Variants in CDC20B observed in about 807,000 individuals in gnomAD.
The protein encoded by CDC20B is cell division cycle protein 20 homolog B.
Under a neutral mutation model 64.1 loss-of-function variants are expected in CDC20B, and 58 were observed. The ratio of observed to expected loss-of-function variants is 0.90; its 90% confidence interval spans 0.73 to 1.13. CDC20B has a LOEUF of 1.13. CDC20B is among the 50% of genes most tolerant of loss of function. The pLI is 0.00. For missense variants in CDC20B, 597 were observed against 633.0 expected (o/e 0.94, Z 0.61); for synonymous variants, 243 against 230.6 (o/e 1.05, Z -0.49).
At chr5:55,136,284 G>A (rs936712881) in intron 5 of CDC20B, among the ~76,000 whole-genome samples, 1 of 151,778 alleles carries the variant, frequency 6.6e-6, no homozygotes, top group African/African-American at 2.4e-5. Flanking sequence ...GACACGGCAG[G>A]TGCAGTGGTT....
intron 5 of CDC20B, among the ~76,000 whole-genome samples, chr5:55,134,799 A>C (rs1743120178): frequency 6.6e-6 from 1 of 152,198 alleles, no homozygotes; most frequent in African/African-American, 2.4e-5. Context: ...AAAGAAGACA[A>C]TCTGAAAAAA....
Position 55,124,906 on chromosome 5 carries a change from G to A in CDC20B, c.1112C>T (p.Ser371Phe), listed in dbSNP as rs771944297. The change falls in exon 9 of 12, where the codon TCC becomes TTC. Residue 371 changes from serine to phenylalanine, a missense_variant. Ser to Phe is a radical substitution (Grantham distance 155). Transcript: ENST00000381375. ...CAGCAGTCCATCACTGCAGCCGCTG[G>A]AAAGCAGCCTGCCATCCGGTGACCA... ...LKWSPDGRLL[S>F]SGCSDGLLTI... The A allele has an allele frequency of 3.7e-6, 6 of 1,614,066 alleles. No individual in the cohort carries two copies. The African/African-American group carries it at 5.3e-5, about 14-fold the overall frequency.
chr5:55,172,893 C>T, intron 1 of CDC20B, 45 bp downstream of exon 1: 1 of 1,533,244 alleles, frequency 6.5e-7, no homozygotes, highest in Non-Finnish European at 8.8e-7. Flanking sequence ...GCCTTCGGCC[C>T]CGCATTAGAG....
At chr5:55,130,128 C>G (rs553467341) in intron 6 of CDC20B, among the ~76,000 whole-genome samples, 1 of 152,002 alleles carries the variant, frequency 6.6e-6, no homozygotes, top group East Asian at 1.9e-4. Flanking sequence ...ACAGAAAAAT[C>G]AAAAGTATTT....
At chr5:55,148,357 G>A (rs545176119) in intron 2 of CDC20B, among the ~76,000 whole-genome samples, 13 of 152,280 alleles carry the variant, frequency 8.5e-5, no homozygotes, top group African/African-American at 2.4e-4. Context: ...GACAATGTGC[G>A]TCAAAAGCCT....
intron 2 of CDC20B, among the ~76,000 whole-genome samples, chr5:55,169,039 G>A (rs1381953161): frequency 6.6e-6 from 1 of 152,032 alleles, no homozygotes; most frequent in Admixed American, 6.5e-5. Context: ...AAAAGCCAAA[G>A]CTTCTAAATT....
chr5:55,115,906 C>A (rs1309655915), intron 11 of CDC20B, among the ~76,000 whole-genome samples: 1 of 152,014 alleles, frequency 6.6e-6, no homozygotes, highest in African/African-American at 2.4e-5. Flanking sequence ...ACACACACAC[C>A]ACACACACAC....
At chr5:55,137,200 A>C (rs1032245280) in intron 5 of CDC20B, 1 of 160,736 alleles carries the variant, frequency 6.2e-6, no homozygotes, top group Non-Finnish European at 1.4e-5. Flanking sequence ...AAAAAGAAAG[A>C]AAGCACTGAG....
chr5:55,119,135 T>C (rs1742694291), intron 11 of CDC20B, among the ~76,000 whole-genome samples: 2 of 152,340 alleles, frequency 1.3e-5, no homozygotes, highest in South Asian at 2.1e-4. Context: ...ATCAGAGTTC[T>C]ACAAGAGATT....
chr5:55,157,976 G>A (rs1305375855), intron 2 of CDC20B, among the ~76,000 whole-genome samples: 1 of 152,126 alleles, frequency 6.6e-6, no homozygotes, highest in Admixed American at 6.5e-5. Flanking sequence ...TACAGCCTGA[G>A]GAGTTAAAAT....
In CDC20B at chr5:55,146,696, G is replaced by T. The variant is rs761430349; in HGVS notation, c.287C>A (p.Thr96Asn). Residue 96 changes from threonine (T) to asparagine (N), a missense_variant, in exon 3 of 12, where the codon ACC (threonine) becomes AAC (asparagine). Physicochemically the swap from Thr to Asn is moderately conservative, Grantham distance 65 (BLOSUM62 0). This residue lies in a region of CDC20B where 241 missense variants were observed against 219.2 expected (regional missense o/e 1.10). Transcript: ENST00000381375. ...SSDSFGEEQS[T>N]TYLPEASGSV... ...TCCGGAAGCTTCTGGGAGGTAGGTGGTTGACTGCTCTTCCCCAAAGGAATC... is the reference window on the plus strand; with the variant it reads ...TCCGGAAGCTTCTGGGAGGTAGGTGTTTGACTGCTCTTCCCCAAAGGAATC... The T allele has an allele frequency of 6.2e-7, 1 of 1,614,178 alleles. No homozygotes were observed. Among genetic ancestry groups the T allele is most frequent in the South Asian group, 1.1e-5 (1 of 91,082 alleles).
At chr5:55,172,539 G>A (rs779837009) in intron 2 of CDC20B, 49 bp downstream of exon 2, 12 of 1,400,192 alleles carry the variant, frequency 8.6e-6, no homozygotes, top group Non-Finnish European at 1.1e-5. Flanking sequence ...GAATTCGTTT[G>A]TTCAAGATCA....
At chr5:55,122,029 C>T (rs1263087824) in intron 9 of CDC20B, among the ~76,000 whole-genome samples, 1 of 152,188 alleles carries the variant, frequency 6.6e-6, no homozygotes, top group Non-Finnish European at 1.5e-5. Context: ...ATACTTACTC[C>T]TACCCATAGC....
chr5:55,115,313 GC>G (rs1330254085), intron 11 of CDC20B, among the ~76,000 whole-genome samples: 2 of 152,188 alleles, frequency 1.3e-5, no homozygotes, highest in Non-Finnish European at 2.9e-5. Flanking sequence ...TAATTTGGAA[GC>G]TTTGAGTTAA....
At chr5:55,129,157 C>T (rs1742967409) in intron 6 of CDC20B, among the ~76,000 whole-genome samples, 1 of 152,142 alleles carries the variant, frequency 6.6e-6, no homozygotes, top group Non-Finnish European at 1.5e-5. Context: ...AAAATATACC[C>T]TATCTTATTT....
intron 2 of CDC20B, among the ~76,000 whole-genome samples, chr5:55,163,301 C>G (rs1744188657): frequency 6.6e-6 from 1 of 152,012 alleles, no homozygotes; most frequent in Admixed American, 6.5e-5. Context: ...AGGAGGATCA[C>G]TTTAGTGCCC....
intron 3 of CDC20B, among the ~76,000 whole-genome samples, chr5:55,145,246 C>T (rs536873212): frequency 9.9e-5 from 15 of 152,254 alleles, no homozygotes; most frequent in African/African-American, 3.4e-4. Flanking sequence ...TGCTTCCCTC[C>T]TCGGTTATTA....
At position 55,114,933 on chromosome 5, in the gene CDC20B, T is replaced by A. The variant is rs543693267; in HGVS notation, c.1460-615A>T. Among the ~76,000 whole-genome samples the A allele has an allele frequency of 1.3e-5, 2 of 152,282 alleles. No homozygotes were observed. Among genetic ancestry groups the A allele is most frequent in the African/African-American group, 4.8e-5 (2 of 41,552 alleles). Reference sequence around the variant, plus strand: ...AGGTTCCAGAGATTTAGCATGGGTATCCTTTAGGAGACCATTTATCAGCCT... The same window carrying A: ...AGGTTCCAGAGATTTAGCATGGGTAACCTTTAGGAGACCATTTATCAGCCT... On this transcript the variant is annotated intron_variant, in intron 11 of 11. Coordinates refer to ENST00000381375, the MANE Select transcript of CDC20B (RefSeq NM_001170402.1). This position sits in a 1 kb window ranked among gnomAD's most constrained non-coding sequence, Gnocchi z 4.1.
chr5:55,155,470 C>T (rs1743782532), intron 2 of CDC20B, among the ~76,000 whole-genome samples: 6 of 152,128 alleles, frequency 3.9e-5, no homozygotes. Context: ...ACCCCAACCC[C>T]GTTCCTTAAC....
Sources: allele counts gnomAD v4.1 joint callset (sites outside exome capture counted in the v4.1 genomes callset), GRCh38; gene constraint gnomAD v4.1.1; regional missense constraint gnomAD v4.1.1; non-coding constraint Gnocchi (gnomAD v3.1); transcripts MANE v1.5; gene names NCBI Gene and HGNC (gene_info 2026-07-23, HGNC 2026-07-21).